Variants in VPS13B observed in about 807,000 individuals in gnomAD.
VPS13B encodes intermembrane lipid transfer protein VPS13B.
VPS13B carries 285 observed loss-of-function variants against 426.4 expected under a neutral mutation model. That is an observed-to-expected ratio of 0.67 (90% CI 0.61 to 0.74). The LOEUF is 0.74. Ranked by LOEUF, VPS13B falls within the 30% of genes least tolerant of loss-of-function variation. VPS13B has a pLI of 0.00. For missense variants in VPS13B, 4,537 were observed against 4,782.6 expected (o/e 0.95, Z 1.51); for synonymous variants, 1,676 against 1,676.4 (o/e 1.00, Z 0.01).
chr8:99,665,911 G>A (rs951015687), intron 35 of VPS13B, among the ~76,000 whole-genome samples: 1 of 152,112 alleles, frequency 6.6e-6, no homozygotes. Flanking sequence ...ACCTTGGGCA[G>A]TATGGCCATT....
chr8:99,636,208 A>C (rs1362817964), intron 33 of VPS13B, among the ~76,000 whole-genome samples: 2 of 152,018 alleles, frequency 1.3e-5, no homozygotes, highest in African/African-American at 2.4e-5. Context: ...TTATCTCTGC[A>C]TAAAATTTCA....
intron 19 of VPS13B, among the ~76,000 whole-genome samples, chr8:99,351,693 TGTA>T (rs1321026364): frequency 6.6e-6 from 1 of 152,100 alleles, no homozygotes; most frequent in African/African-American, 2.4e-5. Context: ...TAGTATCAGA[TGTA>T]GTATAAATAA....
rs150927957 is a variant in VPS13B, at chr8:99,518,723, A to G, written c.4634-2176A>G. Reference sequence around the variant, plus strand: ...TCCTTGGACTAATCTGAATTAGACCATACCAAGTATGTGAAAATATACTGA... The same window carrying G: ...TCCTTGGACTAATCTGAATTAGACCGTACCAAGTATGTGAAAATATACTGA... On this transcript the variant is annotated intron_variant, in intron 29 of 61. Coordinates refer to ENST00000357162, the MANE Select transcript of VPS13B (RefSeq NM_152564.5). 5.6e-4 allele frequency among the ~76,000 whole-genome samples: 85 copies of G among 152,304 alleles called. No homozygotes were observed. In the East Asian group the frequency reaches 0.014, roughly 26 times the overall value.
chr8:99,536,684 C>T, intron 30 of VPS13B: 1 of 534,464 alleles, frequency 1.9e-6, no homozygotes, highest in Non-Finnish European at 3.8e-6. Flanking sequence ...GAAAAGAATC[C>T]CTGTCCCATG....
At chr8:99,138,890 A>G (rs1810232741) in intron 12 of VPS13B, among the ~76,000 whole-genome samples, 2 of 152,226 alleles carry the variant, frequency 1.3e-5, no homozygotes, top group Non-Finnish European at 2.9e-5. Context: ...AAGCAAAGGA[A>G]ACCTAGCACA....
chr8:99,019,284 G>A (rs1841772457), intron 2 of VPS13B, among the ~76,000 whole-genome samples: 2 of 146,616 alleles, frequency 1.4e-5, no homozygotes, highest in Middle Eastern at 3.5e-3. Flanking sequence ...TTGGCTCACT[G>A]CAACCTCTAC....
At chr8:99,142,900 G>A in intron 12 of VPS13B, 74 bp from the exon 13 acceptor site, 2 of 1,477,908 alleles carry the variant, frequency 1.4e-6, no homozygotes, top group Non-Finnish European at 1.8e-6. Context: ...ATAAAAATGA[G>A]AGAAGAGCGA....
intron 5 of VPS13B, among the ~76,000 whole-genome samples, chr8:99,105,363 G>T (rs565741806): frequency 1.3e-5 from 2 of 152,230 alleles, no homozygotes; most frequent in South Asian, 2.1e-4. Flanking sequence ...TTGTGGTGAA[G>T]AAATTTTATT....
chr8:99,865,221 C>A (rs1399283544), intron 58 of VPS13B, among the ~76,000 whole-genome samples: 1 of 152,182 alleles, frequency 6.6e-6, no homozygotes, highest in Non-Finnish European at 1.5e-5. Context: ...ATCTGTTCCC[C>A]AACACCCTCA....
intron 30 of VPS13B, among the ~76,000 whole-genome samples, chr8:99,544,703 A>G (rs1168175190): frequency 6.6e-6 from 1 of 152,138 alleles, no homozygotes; most frequent in East Asian, 1.9e-4. Flanking sequence ...AACAACAACA[A>G]CAACAATAAA....
At chr8:99,868,562 A>T in intron 59 of VPS13B, 97 bp downstream of exon 59, 4 of 1,405,264 alleles carry the variant, frequency 2.8e-6, no homozygotes, top group Non-Finnish European at 3.9e-6. Context: ...TTCACATGGC[A>T]GACAGTGGCT....
At chr8:99,791,071 C>T (rs150645334) in intron 43 of VPS13B, among the ~76,000 whole-genome samples, 78 of 151,914 alleles carry the variant, frequency 5.1e-4, no homozygotes, top group Non-Finnish European at 9.3e-4. Context: ...ATAGGTTGGC[C>T]CAGCGGATGA....
At chr8:99,077,978 G>T (rs1481756878) in intron 3 of VPS13B, among the ~76,000 whole-genome samples, 1 of 151,430 alleles carries the variant, frequency 6.6e-6, no homozygotes, top group Non-Finnish European at 1.5e-5. Flanking sequence ...GAAGTGCTCA[G>T]TTGTATTTTT....
intron 17 of VPS13B, among the ~76,000 whole-genome samples, chr8:99,215,338 T>G (rs1588146861): frequency 6.6e-6 from 1 of 152,306 alleles, no homozygotes; most frequent in South Asian, 2.1e-4. Flanking sequence ...GAATTAATTG[T>G]TAAGAAAATA....
intron 19 of VPS13B, among the ~76,000 whole-genome samples, chr8:99,349,350 A>AAAAAAAAAAAAAAAAAAAAG (rs1184275418): frequency 6.8e-6 from 1 of 147,492 alleles, no homozygotes; most frequent in African/African-American, 2.6e-5. Context: ...AAAAAAAAAA[A>AAAAAAAAAAAAAAAAAAAAG]AAAAAGAAAA....
Position 99,661,448 on chromosome 8 carries a change from T to A in VPS13B, c.6003T>A (p.Pro2001=). The A allele has an allele frequency of 1.2e-6, 2 of 1,613,640 alleles. No individual in the cohort carries two copies. The highest frequency in any genetic ancestry group is 1.7e-6 in the Non-Finnish European group (2 of 1,179,798). Reference sequence around the variant, plus strand: ...TAGACAGCAAAAGTGGTATTCCACCTTCCTTTATAACACTACAGATTAAAG... The same window carrying A: ...TAGACAGCAAAAGTGGTATTCCACCATCCTTTATAACACTACAGATTAAAG... The part of the protein sequence containing the change: ...GEIDSKSGIP[P]SFITLQIKDF... Residue 2001 remains proline, a synonymous_variant, in exon 35 of 62, where the codon CCT becomes CCA. Transcript: ENST00000357162.
rs1341666944 is a variant in VPS13B, at chr8:99,809,555, C to T, written c.8097+25C>T. On this transcript the variant is annotated intron_variant, in intron 44 of 61. Coordinates refer to ENST00000357162, the MANE Select transcript of VPS13B (RefSeq NM_152564.5). ...GGTAAGTTTCTTTGTGTTCATGACC[C>T]AGACACCTCTTAATTATTCAGTGTA... 1.9e-6 allele frequency: 3 copies of T among 1,613,504 alleles called. No homozygotes were observed. The East Asian group carries it at 6.7e-5, about 36-fold the overall frequency.
chr8:99,196,017 A>G (rs1813898778), intron 17 of VPS13B, among the ~76,000 whole-genome samples: 1 of 152,026 alleles, frequency 6.6e-6, no homozygotes, highest in African/African-American at 2.4e-5. Flanking sequence ...TTTTTGTTTA[A>G]TATTGCTTTT....
intron 35 of VPS13B, among the ~76,000 whole-genome samples, chr8:99,699,015 G>T (rs1268529181): frequency 6.6e-6 from 1 of 151,410 alleles, no homozygotes; most frequent in African/African-American, 2.4e-5. Flanking sequence ...CAGGTCATAA[G>T]GGGGAAACAG....
Sources: allele counts gnomAD v4.1 joint callset (sites outside exome capture counted in the v4.1 genomes callset), GRCh38; gene constraint gnomAD v4.1.1; transcripts MANE v1.5; gene names NCBI Gene and HGNC (gene_info 2026-07-23, HGNC 2026-07-21).